Variants in THSD7B observed in about 807,000 individuals in gnomAD.
THSD7B encodes thrombospondin type-1 domain-containing protein 7B.
A neutral mutation model predicts 213.6 loss-of-function variants in THSD7B; 138 were observed. The observed-to-expected ratio is 0.65, with a 90% confidence interval of 0.56 to 0.74. The LOEUF (loss-of-function observed/expected upper bound fraction) is 0.74, where lower values mean the gene tolerates loss of function less well. Among genes scored for constraint, THSD7B ranks in the 30% least tolerant of loss-of-function variants. The pLI, the probability that THSD7B is intolerant of heterozygous loss-of-function variation, is 0.00. For missense variants in THSD7B, 1,931 were observed against 1,991.5 expected (o/e 0.97, Z 0.58); for synonymous variants, 742 against 687.0 (o/e 1.08, Z -1.25).
At position 137,655,495 on chromosome 2, in the gene THSD7B, T is replaced by C. The variant is rs763969447; in HGVS notation, c.3946-6T>C. The C allele has an allele frequency of 3.1e-6, 5 of 1,607,434 alleles. No homozygotes were observed. Among genetic ancestry groups the C allele is most frequent in the Non-Finnish European group, 2.5e-6 (3 of 1,176,626 alleles). On this transcript the variant is annotated splice_polypyrimidine_tract_variant and splice_region_variant and intron_variant, in intron 21 of 27. Coordinates refer to ENST00000409968, the MANE Select transcript of THSD7B (RefSeq NM_001316349.2). Reference sequence around the variant, plus strand: ...GTAATTGTGAAAGTATCCTTTCCTCTCATAGGGTGGAGACTGTGGGGAAGG... The same window carrying C: ...GTAATTGTGAAAGTATCCTTTCCTCCCATAGGGTGGAGACTGTGGGGAAGG...
chr2:137,094,372 A>AC (rs1302658302), intron 3 of THSD7B, among the ~76,000 whole-genome samples: 1 of 152,186 alleles, frequency 6.6e-6, no homozygotes, highest in African/African-American at 2.4e-5. Context: ...GGATTTCAAG[A>AC]CCAGCTTGTC....
chr2:137,448,836 C>A (rs6740061), intron 14 of THSD7B, among the ~76,000 whole-genome samples: 1,482 of 147,574 alleles, frequency 0.01, 22 homozygotes, highest in African/African-American at 0.031. Flanking sequence ...ACAACAACAA[C>A]AAAAACTACC....
chr2:137,538,764 C>T (rs545531301), intron 15 of THSD7B, among the ~76,000 whole-genome samples: 13 of 151,650 alleles, frequency 8.6e-5, no homozygotes, highest in South Asian at 2.1e-4. Context: ...GCTTATTTTA[C>T]GATAGGAAGA....
intron 27 of THSD7B, among the ~76,000 whole-genome samples, chr2:137,673,020 A>ATTCT (rs1683612539): frequency 6.6e-6 from 1 of 152,212 alleles, no homozygotes; most frequent in Admixed American, 6.5e-5. Flanking sequence ...TCTGTAATGC[A>ATTCT]TTCTTATTCT....
rs141801716 is a variant in THSD7B, at chr2:136,937,359, C to A, written c.139+55042C>A. Among the ~76,000 whole-genome samples the A allele has an allele frequency of 3.5e-3, 536 of 152,054 alleles. 4 individuals are homozygous for A. Among genetic ancestry groups the A allele is most frequent in the African/African-American group, 0.012 (497 of 41,474 alleles). ...CCACCCGCTGTTCTACCTAGACAGT[C>A]CTCATCAATCTTCTATCAAACCCCA... is the stretch of plus-strand genomic sequence containing the variant. On this transcript the variant is annotated intron_variant, in intron 2 of 27. Coordinates refer to ENST00000409968, the MANE Select transcript of THSD7B (RefSeq NM_001316349.2).
chr2:137,514,713 T>C (rs1173184870), intron 15 of THSD7B, among the ~76,000 whole-genome samples: 3 of 152,172 alleles, frequency 2.0e-5, no homozygotes, highest in African/African-American at 7.2e-5. Flanking sequence ...ACTCTACTTC[T>C]AATAGTATGG....
At chr2:136,912,995 A>G (rs1187021007) in intron 2 of THSD7B, among the ~76,000 whole-genome samples, 1 of 152,192 alleles carries the variant, frequency 6.6e-6, no homozygotes, top group Non-Finnish European at 1.5e-5. Flanking sequence ...AAGAGTTTGA[A>G]GGGCTCAGAA....
chr2:137,394,380 G>C (rs563082975), intron 12 of THSD7B, among the ~76,000 whole-genome samples: 1 of 135,998 alleles, frequency 7.4e-6, no homozygotes, highest in African/African-American at 2.7e-5. Context: ...TTCTACATAT[G>C]GCTAGCCAGT....
intron 17 of THSD7B, among the ~76,000 whole-genome samples, chr2:137,590,760 A>G (rs1040321269): frequency 2.2e-5 from 3 of 136,396 alleles, no homozygotes; most frequent in East Asian, 4.2e-4. Context: ...GCTGTAAAAT[A>G]CATTTTGCAT....
chr2:137,547,788 C>T (rs1225144137), intron 15 of THSD7B, among the ~76,000 whole-genome samples: 2 of 151,874 alleles, frequency 1.3e-5, no homozygotes, highest in African/African-American at 2.4e-5. Context: ...ATAAGTGATA[C>T]GTAAGAACTC....
At chr2:137,318,960 A>T (rs1684194610) in intron 12 of THSD7B, among the ~76,000 whole-genome samples, 1 of 151,614 alleles carries the variant, frequency 6.6e-6, no homozygotes, top group African/African-American at 2.4e-5. Flanking sequence ...GGAAGTTCTG[A>T]AGATTGAATT....
intron 12 of THSD7B, among the ~76,000 whole-genome samples, chr2:137,323,148 A>G (rs1441177581): frequency 1.3e-5 from 2 of 152,236 alleles, no homozygotes; most frequent in Admixed American, 6.5e-5. Flanking sequence ...TTCAATCACA[A>G]TTCTGAAAGA....
At chr2:136,836,522 C>T (rs998128729) in intron 1 of THSD7B, among the ~76,000 whole-genome samples, 4 of 152,146 alleles carry the variant, frequency 2.6e-5, no homozygotes, top group Admixed American at 2.0e-4. Flanking sequence ...GACCTAACAT[C>T]CTCCTAGGGA....
intron 12 of THSD7B, among the ~76,000 whole-genome samples, chr2:137,347,647 G>C (rs976685417): frequency 6.7e-6 from 1 of 150,070 alleles, no homozygotes; most frequent in Non-Finnish European, 1.5e-5. Flanking sequence ...TGGCTCAGCT[G>C]CTATCTAGTT....
intron 2 of THSD7B, among the ~76,000 whole-genome samples, chr2:136,998,586 G>A (rs535885508): frequency 7.9e-5 from 12 of 152,110 alleles, no homozygotes; most frequent in African/African-American, 2.7e-4. Context: ...GTGGCATATC[G>A]GACTTCACAA....
At chr2:137,675,691 C>T (rs75103566) in intron 27 of THSD7B, among the ~76,000 whole-genome samples, 3,669 of 151,916 alleles carry the variant, frequency 0.024, 146 homozygotes, top group African/African-American at 0.083. Context: ...GCAATAGATG[C>T]TAATATAATA....
chr2:137,024,402 A>C (rs1179980001), intron 2 of THSD7B, among the ~76,000 whole-genome samples: 1 of 152,114 alleles, frequency 6.6e-6, no homozygotes, highest in Non-Finnish European at 1.5e-5. Flanking sequence ...GGGGTTTAGT[A>C]TCATTAGCAA....
intron 2 of THSD7B, among the ~76,000 whole-genome samples, chr2:137,000,469 A>T (rs1283146960): frequency 6.6e-6 from 1 of 152,098 alleles, no homozygotes; most frequent in Non-Finnish European, 1.5e-5. Context: ...AAGAAGGAAA[A>T]CTGATACTAT....
At chr2:136,958,971 G>A (rs879460415) in intron 2 of THSD7B, among the ~76,000 whole-genome samples, 5 of 152,128 alleles carry the variant, frequency 3.3e-5, no homozygotes, top group Admixed American at 1.3e-4. Context: ...AGAGGGTGTG[G>A]TAATGGTGAT....
Sources: allele counts gnomAD v4.1 joint callset (sites outside exome capture counted in the v4.1 genomes callset), GRCh38; gene constraint gnomAD v4.1.1; transcripts MANE v1.5; gene names NCBI Gene and HGNC (gene_info 2026-07-23, HGNC 2026-07-21).